Variants in MYO3B observed in about 807,000 individuals in gnomAD.
MYO3B encodes myosin-IIIb.
A neutral mutation model predicts 174.6 loss-of-function variants in MYO3B; 156 were observed. That is an observed-to-expected ratio of 0.89 (90% CI 0.78 to 1.02). MYO3B has a LOEUF of 1.02. MYO3B is among the 50% of genes least tolerant of loss of function. MYO3B has a pLI of 0.00. For synonymous variants in MYO3B, 563 were observed against 569.1 expected, an observed-to-expected ratio of 0.99 and a Z score of 0.15; for missense variants, 1,632 against 1,639.4, an observed-to-expected ratio of 1.00 and a Z score of 0.08.
At chr2:170,441,015 T>A (rs1453037238) in intron 22 of MYO3B, among the ~76,000 whole-genome samples, 2 of 152,030 alleles carry the variant, frequency 1.3e-5, no homozygotes, top group Non-Finnish European at 2.9e-5. Flanking sequence ...TTGGCCTGGC[T>A]GGTCTCCAAC....
At chr2:170,488,655 A>C (rs1412888953) in intron 25 of MYO3B, among the ~76,000 whole-genome samples, 2 of 152,240 alleles carry the variant, frequency 1.3e-5, no homozygotes, top group Non-Finnish European at 2.9e-5. Context: ...GATGAATTGC[A>C]AATGGAAATA....
intron 23 of MYO3B, among the ~76,000 whole-genome samples, chr2:170,445,348 T>A (rs1201568927): frequency 2.0e-5 from 3 of 151,984 alleles, no homozygotes; most frequent in Non-Finnish European, 4.4e-5. Flanking sequence ...ACATTTTTTT[T>A]TTTTATTTTT....
At chr2:170,646,125 G>A (rs1465500454) in intron 32 of MYO3B, among the ~76,000 whole-genome samples, 1 of 151,980 alleles carries the variant, frequency 6.6e-6, no homozygotes, top group African/African-American at 2.4e-5. Context: ...TACAAAATTA[G>A]CCGGGCGTGG....
At chr2:170,550,375 G>T (rs906993450) in intron 32 of MYO3B, among the ~76,000 whole-genome samples, 2 of 152,214 alleles carry the variant, frequency 1.3e-5, no homozygotes, top group South Asian at 4.1e-4. Context: ...TAGAATGCTA[G>T]TTAAGACAGA....
intron 1 of MYO3B, among the ~76,000 whole-genome samples, chr2:170,193,659 C>G (rs980186354): frequency 6.6e-6 from 1 of 151,992 alleles, no homozygotes; most frequent in Non-Finnish European, 1.5e-5. Flanking sequence ...GTTGTTATGT[C>G]AAAGACTTAT....
Position 170,178,147 on chromosome 2 carries a change from A to T in MYO3B, c.-141A>T. On this transcript the variant is annotated 5_prime_UTR_variant, in exon 1 of 35. Coordinates refer to ENST00000408978, the MANE Select transcript of MYO3B (RefSeq NM_138995.5). ...CTGAGGCTAACACCTCTTGGAACCT[A>T]GATCGAAAGTCCTTTGGTAATGATG... is the stretch of plus-strand genomic sequence containing the variant. 1 of 1,009,178 alleles carries T rather than the reference A, an allele frequency of 9.9e-7. No individual in the cohort carries two copies. The highest frequency in any genetic ancestry group is 1.6e-6 in the Non-Finnish European group (1 of 632,696). The allele number at this position is 1,009,178 out of a possible 1,614,324, so 62.5% of individuals were successfully genotyped here.
intron 8 of MYO3B, chr2:170,344,884 T>C (rs1169769449): frequency 6.6e-6 from 1 of 152,180 alleles, no homozygotes; most frequent in African/African-American, 2.4e-5. Context: ...AGAGAGGATC[T>C]TGAGGAGTAG....
intron 7 of MYO3B, among the ~76,000 whole-genome samples, chr2:170,254,546 G>T (rs926416495): frequency 1.3e-5 from 2 of 152,178 alleles, no homozygotes; most frequent in African/African-American, 4.8e-5. Flanking sequence ...TGTCCTACCT[G>T]CGTGTTTTGC....
At chr2:170,192,244 T>C (rs946587696) in intron 1 of MYO3B, among the ~76,000 whole-genome samples, 3 of 151,762 alleles carry the variant, frequency 2.0e-5, no homozygotes, top group Admixed American at 6.6e-5. Flanking sequence ...TTTTTTTTAT[T>C]ATTCTGAATT....
At chr2:170,562,390 A>G (rs1691768710) in intron 32 of MYO3B, among the ~76,000 whole-genome samples, 1 of 152,150 alleles carries the variant, frequency 6.6e-6, no homozygotes, top group Non-Finnish European at 1.5e-5. Flanking sequence ...GAGTTTTTAC[A>G]TTGTCTCTAG....
chr2:170,471,489 G>A (rs949767386), intron 25 of MYO3B, among the ~76,000 whole-genome samples: 23 of 152,104 alleles, frequency 1.5e-4, no homozygotes, highest in African/African-American at 5.3e-4. Flanking sequence ...ATGTGACAAA[G>A]ATTTACTCCT....
At chr2:170,365,590 A>C (rs1437723240) in intron 8 of MYO3B, among the ~76,000 whole-genome samples, 1 of 152,222 alleles carries the variant, frequency 6.6e-6, no homozygotes, top group African/African-American at 2.4e-5. Flanking sequence ...GTAAAATAAT[A>C]GTTCCATTTC....
intron 22 of MYO3B, among the ~76,000 whole-genome samples, chr2:170,414,248 C>T (rs1009028431): frequency 6.6e-6 from 1 of 151,944 alleles, no homozygotes; most frequent in Admixed American, 6.6e-5. Flanking sequence ...AGTGCAATGG[C>T]GCGATCTCAG....
intron 3 of MYO3B, among the ~76,000 whole-genome samples, chr2:170,201,625 G>A (rs2092663099): frequency 6.6e-6 from 1 of 152,122 alleles, no homozygotes; most frequent in Admixed American, 6.6e-5. Context: ...AAGATGTAAG[G>A]GATTTTGGTT....
chr2:170,252,025 T>C (rs2093258876), intron 7 of MYO3B, among the ~76,000 whole-genome samples: 1 of 152,202 alleles, frequency 6.6e-6, no homozygotes, highest in Admixed American at 6.5e-5. Context: ...TTGGCTTACC[T>C]CTCTCATCAT....
At chr2:170,439,005 T>A (rs912701325) in intron 22 of MYO3B, among the ~76,000 whole-genome samples, 1 of 151,958 alleles carries the variant, frequency 6.6e-6, no homozygotes, top group Admixed American at 6.6e-5. Context: ...ACTGAGTATC[T>A]CTTCATATAC....
At chr2:170,302,228 G>C (rs530820134) in intron 7 of MYO3B, among the ~76,000 whole-genome samples, 37 of 152,230 alleles carry the variant, frequency 2.4e-4, no homozygotes, top group African/African-American at 8.2e-4. Flanking sequence ...TAAGATTCTT[G>C]TATGTGGTCT....
chr2:170,474,783 A>AAGAT (rs1491013721), intron 25 of MYO3B, among the ~76,000 whole-genome samples: 1 of 129,786 alleles, frequency 7.7e-6, no homozygotes, highest in African/African-American at 3.1e-5. Context: ...AAAAAAAAAA[A>AAGAT]AGATAGGCAT....
intron 7 of MYO3B, among the ~76,000 whole-genome samples, chr2:170,304,470 T>TC (rs1324323137): frequency 6.8e-6 from 1 of 146,766 alleles, no homozygotes; most frequent in Non-Finnish European, 1.5e-5. Context: ...TTCTTTTTCT[T>TC]TTTTTTTTTT....
Sources: allele counts gnomAD v4.1 joint callset (sites outside exome capture counted in the v4.1 genomes callset), GRCh38; gene constraint gnomAD v4.1.1; transcripts MANE v1.5; gene names NCBI Gene and HGNC (gene_info 2026-07-23, HGNC 2026-07-21).